The following PIGN variants were observed in gnomAD, a reference collection of about 807,000 sequenced individuals.
PIGN encodes phosphatidylinositol glycan anchor biosynthesis class N.
Under a neutral mutation model 125.4 loss-of-function variants are expected in PIGN, and 117 were observed. The ratio of observed to expected loss-of-function variants is 0.93; its 90% CI spans 0.80 to 1.09. The LOEUF is 1.09. Ranked by LOEUF, PIGN falls within the 50% of genes least tolerant of loss-of-function variation. The probability of loss-of-function intolerance (pLI) is 0.00; values close to 1 mark genes in which losing one functional copy is unlikely to be tolerated. For synonymous variants in PIGN, 392 were observed against 377.8 expected (o/e 1.04, Z -0.44); for missense variants, 1,075 against 1,094.9 (o/e 0.98, Z 0.26).
chr18:62,125,916 A>G (rs1486898842), intron 14 of PIGN, among the ~76,000 whole-genome samples: 3 of 152,132 alleles, frequency 2.0e-5, no homozygotes, highest in African/African-American at 4.8e-5. Flanking sequence ...ACAAAGAATA[A>G]TTTGGAAAAT....
chr18:62,149,159 T>A (rs1012818165), intron 7 of PIGN, among the ~76,000 whole-genome samples: 2 of 152,170 alleles, frequency 1.3e-5, no homozygotes, highest in Non-Finnish European at 2.9e-5. Context: ...ATGTTTAACT[T>A]TTCAACAAAA....
At chr18:62,018,865 T>TACACAC (rs142185819) in intron 23 of PIGN, among the ~76,000 whole-genome samples, 1 of 150,814 alleles carries the variant, frequency 6.6e-6, no homozygotes, top group African/African-American at 2.4e-5. Flanking sequence ...CGCACACACA[T>TACACAC]ACACACACAC....
intron 30 of PIGN, 103 bp from the exon 31 acceptor site, chr18:62,046,082 T>A: frequency 8.2e-7 from 1 of 1,217,908 alleles, no homozygotes; most frequent in South Asian, 1.4e-5. Flanking sequence ...AATCTCCACT[T>A]TCAGGAGCTG....
intron 23 of PIGN, among the ~76,000 whole-genome samples, chr18:62,091,345 A>T (rs774310274): frequency 6.6e-6 from 1 of 152,192 alleles, no homozygotes; most frequent in Non-Finnish European, 1.5e-5. Context: ...ATTCTGTCTC[A>T]AAAACAAAAC....
At chr18:62,081,737 T>A (rs1467538559) in intron 28 of PIGN, among the ~76,000 whole-genome samples, 2 of 152,164 alleles carry the variant, frequency 1.3e-5, no homozygotes, top group African/African-American at 4.8e-5. Context: ...TTTTATTGCA[T>A]CTAAGTAAAT....
chr18:62,105,622 T>C lies in PIGN; in HGVS notation c.1780A>G (p.Ser594Gly). 2 of 1,541,058 alleles carry C rather than the reference T, an allele frequency of 1.3e-6. No homozygotes were observed. Among genetic ancestry groups the C allele is most frequent in the South Asian group, 2.4e-5 (2 of 81,682 alleles). ...AGGAGCAAAGAGAAGAAAGTCCAAC[T>C]CAGTGAGGTCATCTAAAATCAAGAA... ...LWTRAKMTSLSWTFFSLLLAV... is the reference protein window; with the variant it reads ...LWTRAKMTSLGWTFFSLLLAV... Residue 594 changes from serine to glycine, a missense_variant, in exon 20 of 31, where the codon AGT becomes GGT. By Grantham distance (56) the Ser-to-Gly change is moderately conservative (BLOSUM62 0). Coordinates refer to ENST00000640252, the MANE Select transcript of PIGN (RefSeq NM_176787.5).
At chr18:62,113,376 A>C in intron 15 of PIGN, 60 bp from the exon 16 acceptor site, 1 of 1,324,962 alleles carries the variant, frequency 7.5e-7, no homozygotes, top group African/African-American at 1.5e-5. Context: ...CTACATTTTA[A>C]AGAAAGGAAA....
At chr18:62,129,577 C>A (rs2035656434) in intron 14 of PIGN, among the ~76,000 whole-genome samples, 1 of 152,190 alleles carries the variant, frequency 6.6e-6, no homozygotes, top group African/African-American at 2.4e-5. Context: ...CTTACAAAAA[C>A]AGTCACTCAT....
At chr18:62,138,028 C>T (rs2035998154) in intron 14 of PIGN, 3 of 579,064 alleles carry the variant, frequency 5.2e-6, no homozygotes, top group Non-Finnish European at 8.7e-6. Context: ...TGTATCTCTC[C>T]ATTCCCTCAT....
At chr18:62,156,900 C>T (rs950989019) in intron 6 of PIGN, among the ~76,000 whole-genome samples, 1 of 151,954 alleles carries the variant, frequency 6.6e-6, no homozygotes, top group African/African-American at 2.4e-5. Flanking sequence ...TGCTATATAC[C>T]ACTTAATTGA....
intron 14 of PIGN, among the ~76,000 whole-genome samples, chr18:62,133,849 A>G (rs1455166833): frequency 6.6e-6 from 1 of 152,234 alleles, no homozygotes. Context: ...ATCAAACACT[A>G]CACAAGGGCA....
chr18:62,086,220 A>T (rs9966135), intron 25 of PIGN, among the ~76,000 whole-genome samples: 88,444 of 152,070 alleles, frequency 0.58, 26,505 homozygotes, highest in East Asian at 0.78. Context: ...AAAAATGACA[A>T]CGCCAAGAAA....
At chr18:62,054,994 A>T (rs1339349889) in intron 30 of PIGN, among the ~76,000 whole-genome samples, 2 of 152,204 alleles carry the variant, frequency 1.3e-5, no homozygotes, top group Non-Finnish European at 2.9e-5. Flanking sequence ...CCAAAATGAG[A>T]TATCACTACA....
At chr18:62,141,218 A>G (rs1378660268) in intron 11 of PIGN, among the ~76,000 whole-genome samples, 1 of 152,252 alleles carries the variant, frequency 6.6e-6, no homozygotes, top group Non-Finnish European at 1.5e-5. Context: ...ATTCTCAGGT[A>G]GGTTTTTTAA....
At chr18:62,156,738 G>A (rs1466106977) in intron 6 of PIGN, among the ~76,000 whole-genome samples, 3 of 152,106 alleles carry the variant, frequency 2.0e-5, no homozygotes, top group African/African-American at 4.8e-5. Context: ...TGTGAAAAGT[G>A]CTATGCTAAA....
chr18:62,147,295 T>C (rs531613791), intron 8 of PIGN, among the ~76,000 whole-genome samples, 194 bp from the exon 9 acceptor site: 1 of 152,266 alleles, frequency 6.6e-6, no homozygotes, highest in South Asian at 2.1e-4. Flanking sequence ...TAACCTGAAA[T>C]AGTTTTCAAA....
intron 15 of PIGN, 132 bp from the exon 16 acceptor site, chr18:62,113,448 A>G: frequency 1.7e-6 from 1 of 594,386 alleles, no homozygotes; most frequent in South Asian, 2.6e-5. Context: ...TAGATGATGG[A>G]TTAAGAACAG....
intron 14 of PIGN, among the ~76,000 whole-genome samples, chr18:62,128,614 G>GA (rs1568207357): frequency 6.6e-6 from 1 of 151,506 alleles, no homozygotes; most frequent in Non-Finnish European, 1.5e-5. Flanking sequence ...AAAAAGAAAA[G>GA]AAAAAAAGGT....
chr18:62,096,681 C>G (rs2034216406), intron 22 of PIGN, among the ~76,000 whole-genome samples: 1 of 121,594 alleles, frequency 8.2e-6, no homozygotes, highest in Non-Finnish European at 1.7e-5. Context: ...TCCCTTCCCC[C>G]TCCCCCGACC....
Sources: allele counts gnomAD v4.1 joint callset (sites outside exome capture counted in the v4.1 genomes callset), GRCh38; gene constraint gnomAD v4.1.1; transcripts MANE v1.5; gene names NCBI Gene and HGNC (gene_info 2026-07-23, HGNC 2026-07-21).